The following CTNNA2 variants were observed in gnomAD, a reference collection of about 807,000 sequenced individuals.
CTNNA2 encodes catenin alpha 2, also known as catenin alpha-2.
CTNNA2 carries 42 observed loss-of-function variants against 101.0 expected under a neutral mutation model. The ratio of observed to expected loss-of-function variants is 0.42; its 90% CI spans 0.32 to 0.54. The LOEUF (loss-of-function observed/expected upper bound fraction) is 0.54. Among genes scored for constraint, CTNNA2 ranks in the 20% least tolerant of loss-of-function variants. CTNNA2 has a pLI of 0.14. For missense variants in CTNNA2, 871 were observed against 1,223.1 expected (o/e 0.71, Z 4.29); for synonymous variants, 450 against 456.4 (o/e 0.99, Z 0.18).
chr2:79,466,742 C>T (rs1425316553), intron 4 of CTNNA2, among the ~76,000 whole-genome samples: 1 of 152,244 alleles, frequency 6.6e-6, no homozygotes, highest in Non-Finnish European at 1.5e-5. Context: ...ACTGCAGCCT[C>T]TGCTGCTGAT....
chr2:80,647,034 A>G (rs1674171424), intron 18 of CTNNA2, among the ~76,000 whole-genome samples: 1 of 151,948 alleles, frequency 6.6e-6, no homozygotes, highest in Non-Finnish European at 1.5e-5. Flanking sequence ...ATGCTATGAG[A>G]TCCTGACATA....
intron 7 of CTNNA2, among the ~76,000 whole-genome samples, chr2:80,099,826 A>G (rs1380692116): frequency 6.6e-6 from 1 of 151,882 alleles, no homozygotes; most frequent in East Asian, 1.9e-4. Context: ...GGGTGGAGAG[A>G]TGGAAGATGG....
Position 79,221,281 on chromosome 2 carries a change from G to A in CTNNA2, c.-406+23205G>A, listed in dbSNP as rs528202278. 2.8e-4 allele frequency among the ~76,000 whole-genome samples: 42 copies of A among 152,228 alleles called. No homozygotes were observed. The South Asian group carries it at 8.5e-3, about 31-fold the overall frequency. ...ATCTTCCTGCCTCAGCCAAGTAGCT[G>A]GAACTACAGACCTGTACCTCCATGC... On this transcript the variant is annotated intron_variant, in intron 2 of 21. Transcript: ENST00000466387.
At chr2:79,251,495 A>G (rs1324261058) in intron 2 of CTNNA2, among the ~76,000 whole-genome samples, 3 of 152,092 alleles carry the variant, frequency 2.0e-5, no homozygotes, top group African/African-American at 7.2e-5. Flanking sequence ...ACTCACTTCT[A>G]ACCAATAGTG....
chr2:79,396,353 T>G (rs1678230285), intron 4 of CTNNA2, among the ~76,000 whole-genome samples: 1 of 152,040 alleles, frequency 6.6e-6, no homozygotes, highest in African/African-American at 2.4e-5. Context: ...GAGACGGGAT[T>G]TCACTATGTT....
rs903110977 is a variant in CTNNA2, at chr2:80,485,951, C to G, written c.1291-59031C>G. 5.3e-5 allele frequency among the ~76,000 whole-genome samples: 8 copies of G among 152,160 alleles called. No homozygotes were observed. The South Asian group carries it at 6.2e-4, about 12-fold the overall frequency. ...TTTAGGAGTCTAGCTTTTGATTTCA[C>G]CATATTTTTTTTTTGCATTTGTGTG... On this transcript the variant is annotated intron_variant, in intron 9 of 18. Transcript: ENST00000402739.
chr2:79,564,352 G>C (rs1264215595), intron 1 of CTNNA2, among the ~76,000 whole-genome samples: 1 of 142,722 alleles, frequency 7.0e-6, no homozygotes, highest in African/African-American at 2.7e-5. Context: ...TCCTAACTCT[G>C]TGCTATTTAA....
intron 2 of CTNNA2, among the ~76,000 whole-genome samples, chr2:79,710,986 C>G (rs1685701317): frequency 6.6e-6 from 1 of 152,106 alleles, no homozygotes; most frequent in Non-Finnish European, 1.5e-5. Context: ...GCTAGCTGAA[C>G]AAGAGGAAAA....
chr2:79,245,072 A>G (rs1191307968), intron 2 of CTNNA2, among the ~76,000 whole-genome samples: 1 of 151,834 alleles, frequency 6.6e-6, no homozygotes, highest in Non-Finnish European at 1.5e-5. Context: ...TCCAGCCTGG[A>G]CAACAAGAGT....
chr2:80,563,308 G>A (rs73938507), intron 12 of CTNNA2, among the ~76,000 whole-genome samples: 4,354 of 152,276 alleles, frequency 0.029, 194 homozygotes, highest in African/African-American at 0.097. Flanking sequence ...ATTCTCTGAC[G>A]GAGGGGAAAC....
chr2:79,592,246 G>A (rs1410064406), intron 1 of CTNNA2, among the ~76,000 whole-genome samples: 1 of 151,220 alleles, frequency 6.6e-6, no homozygotes, highest in Non-Finnish European at 1.5e-5. Context: ...TCAGCCTCCC[G>A]AGTAGCTGGG....
At chr2:79,982,279 T>C (rs1158094376) in intron 7 of CTNNA2, among the ~76,000 whole-genome samples, 2,498 of 116,490 alleles carry the variant, frequency 0.021, 149 homozygotes, top group African/African-American at 0.075. Context: ...ATATATATAA[T>C]ATATATAACA....
chr2:80,525,538 A>C (rs1689962407), intron 9 of CTNNA2, among the ~76,000 whole-genome samples: 1 of 152,124 alleles, frequency 6.6e-6, no homozygotes. Flanking sequence ...ACAAACAACA[A>C]CAAAAACCCT....
intron 7 of CTNNA2, among the ~76,000 whole-genome samples, chr2:80,025,804 C>T (rs1558739474): frequency 1.3e-5 from 2 of 152,202 alleles, no homozygotes; most frequent in Admixed American, 6.5e-5. Context: ...GCAGCACGTA[C>T]TTGTCCTCCA....
intron 7 of CTNNA2, among the ~76,000 whole-genome samples, chr2:79,911,701 A>C (rs1008372889): frequency 2.0e-5 from 3 of 152,242 alleles, no homozygotes; most frequent in Non-Finnish European, 4.4e-5. Flanking sequence ...CAATGGGTAT[A>C]GTGCTTAAAT....
intron 7 of CTNNA2, among the ~76,000 whole-genome samples, chr2:80,233,020 T>C (rs1362844938): frequency 6.6e-6 from 1 of 152,186 alleles, no homozygotes; most frequent in African/African-American, 2.4e-5. Flanking sequence ...ATTCCTAAAA[T>C]ATTCTGTGAC....
chr2:80,592,653 A>C (rs1696611698), intron 15 of CTNNA2, among the ~76,000 whole-genome samples: 1 of 152,182 alleles, frequency 6.6e-6, no homozygotes, highest in Non-Finnish European at 1.5e-5. Context: ...AAACATATTC[A>C]GAAGCCTCTG....
intron 3 of CTNNA2, among the ~76,000 whole-genome samples, chr2:79,823,289 ATATC>A (rs1254387945): frequency 6.6e-6 from 1 of 152,194 alleles, no homozygotes; most frequent in Non-Finnish European, 1.5e-5. Context: ...ATATTTGTGA[ATATC>A]TATTAAGTCT....
chr2:79,894,053 CTTCTTCTTCT>C (rs1558619659), intron 6 of CTNNA2, among the ~76,000 whole-genome samples: 1,804 of 119,056 alleles, frequency 0.015, 12 homozygotes, highest in African/African-American at 0.02. Flanking sequence ...TCTTCTTCTT[CTTCTTCTTCT>C]TCCTCCTCCT....
Sources: allele counts gnomAD v4.1 joint callset (sites outside exome capture counted in the v4.1 genomes callset), GRCh38; gene constraint gnomAD v4.1.1; transcripts MANE v1.5; gene names NCBI Gene and HGNC (gene_info 2026-07-23, HGNC 2026-07-21).